Variants in ZNF114 observed in about 807,000 individuals in gnomAD.
ZNF114 encodes the protein zinc finger protein 114.
A neutral mutation model predicts 6.8 loss-of-function variants in ZNF114; 8 were observed. That is an observed-to-expected ratio of 1.18 (90% CI 0.69 to 2.13). The LOEUF is 2.13. Among genes scored for constraint, ZNF114 ranks in the 30% most tolerant of loss-of-function variants. The probability of loss-of-function intolerance (pLI) is 0.00; values close to 1 mark genes in which losing one functional copy is unlikely to be tolerated. For synonymous variants in ZNF114, 169 were observed against 185.5 expected, an observed-to-expected ratio of 0.91 and a Z score of 0.72; for missense variants, 472 against 519.5, an observed-to-expected ratio of 0.91 and a Z score of 0.89.
intron 3 of ZNF114, among the ~76,000 whole-genome samples, chr19:48,275,554 G>A (rs1455207931): frequency 1.3e-5 from 2 of 152,060 alleles, no homozygotes; most frequent in Admixed American, 6.5e-5. Flanking sequence ...AGGTTGCAGT[G>A]AGCCAAGCTA....
Position 48,275,419 on chromosome 19 carries a change from AACACACACACAC to A in ZNF114, c.-70+3619_-70+3630del, listed in dbSNP as rs58275965. 3.4e-4 allele frequency among the ~76,000 whole-genome samples: 45 copies of A among 133,116 alleles called. 1 individual carries two copies. The highest frequency in any genetic ancestry group is 1.1e-3 in the Admixed American group (15 of 13,242). The allele number at this position is 133,116 out of a possible 152,430, so 87.3% of individuals were successfully genotyped here. The stretch of plus-strand genomic sequence containing the variant: ...CATGATGAAGTCCTGTCTCTACTAA[AACACACACACAC>A]ACACACACACACACACACACACACA... On this transcript the variant is annotated intron_variant, in intron 3 of 5. Transcript: ENST00000595607.
chr19:48,280,174 G>A (rs2147290457), intron 4 of ZNF114, among the ~76,000 whole-genome samples: 1 of 152,224 alleles, frequency 6.6e-6, no homozygotes, highest in South Asian at 2.1e-4. Flanking sequence ...TTTGAGGCCA[G>A]GAGTTCAAAA....
intron 3 of ZNF114, among the ~76,000 whole-genome samples, chr19:48,276,845 T>C (rs974636804): frequency 2.0e-5 from 3 of 152,204 alleles, no homozygotes; most frequent in Admixed American, 2.0e-4. Flanking sequence ...TTTTTAAAAA[T>C]ATTCAATTGT....
At chr19:48,272,695 A>AAAAAAAAAAAAAAAAC (rs1967700439) in intron 3 of ZNF114, among the ~76,000 whole-genome samples, 1 of 143,564 alleles carries the variant, frequency 7.0e-6, no homozygotes, top group African/African-American at 2.8e-5. Context: ...AAAAAAAAAA[A>AAAAAAAAAAAAAAAAC]AAAGTATTGG....
chr19:48,279,351 T>G (rs1233500810), intron 3 of ZNF114, among the ~76,000 whole-genome samples: 2 of 146,354 alleles, frequency 1.4e-5, no homozygotes, highest in African/African-American at 5.1e-5. Context: ...TGAGCCATGA[T>G]TGCACTACTG....
rs747813766 is a variant in ZNF114 at position 48,286,002 on chromosome 19, T to G, written c.378T>G (p.His126Gln). The change falls in exon 6 of 6, where the codon CAT becomes CAG. Residue 126 changes from histidine to glutamine, a missense_variant. Physicochemically the swap from His to Gln is conservative, Grantham distance 24. Transcript: ENST00000595607. ...CTCCTGTTAGCATTTGTGAAGATCA[T>G]GAAATGAGGAACCACTCTAAACCTA... ...DESPVSICED[H>Q]EMRNHSKPTC... is the part of the protein sequence containing the mutation. 1 of 1,613,792 alleles carries G rather than the reference T, an allele frequency of 6.2e-7. No homozygotes were observed. Among genetic ancestry groups the G allele is most frequent in the Non-Finnish European group, 8.5e-7 (1 of 1,180,040 alleles).
At chr19:48,278,774 T>A (rs1008199414) in intron 3 of ZNF114, among the ~76,000 whole-genome samples, 1 of 152,098 alleles carries the variant, frequency 6.6e-6, no homozygotes, top group Non-Finnish European at 1.5e-5. Flanking sequence ...AAATCCCATC[T>A]CTACTAAAAG....
chr19:48,284,594 C>A (rs1968071393), intron 5 of ZNF114, among the ~76,000 whole-genome samples: 1 of 152,122 alleles, frequency 6.6e-6, no homozygotes, highest in African/African-American at 2.4e-5. Flanking sequence ...CCATGCCCAG[C>A]TAATTTTTCT....
chr19:48,280,404 TAAAAAG>T (rs1275942760), intron 4 of ZNF114, among the ~76,000 whole-genome samples: 11 of 151,616 alleles, frequency 7.3e-5, no homozygotes, highest in Non-Finnish European at 1.6e-4. Context: ...TAAAGTAAAA[TAAAAAG>T]AAAGTGTTTT....
chr19:48,276,670 C>G (rs1184614941), intron 3 of ZNF114, among the ~76,000 whole-genome samples: 1 of 152,178 alleles, frequency 6.6e-6, no homozygotes, highest in Non-Finnish European at 1.5e-5. Context: ...ACTAGAGGCG[C>G]ACGCCAGCGT....
chr19:48,274,530 G>C (rs1479038621), intron 3 of ZNF114, among the ~76,000 whole-genome samples: 1 of 144,388 alleles, frequency 6.9e-6, no homozygotes, highest in East Asian at 2.0e-4. Context: ...TTTTGAGACA[G>C]AGTTTTTCTC....
intron 5 of ZNF114, among the ~76,000 whole-genome samples, 191 bp downstream of exon 5, chr19:48,282,688 ATTTTATATTT>A (rs1436563985): frequency 8.2e-6 from 1 of 121,304 alleles, no homozygotes; most frequent in Non-Finnish European, 1.9e-5. Context: ...TATTTATTTT[ATTTTATATTT>A]TATTTTATTT....
Position 48,282,434 on chromosome 19 carries a change from C to T in ZNF114, c.73C>T (p.Pro25Ser). ...CAAAGAGGAGTGGACCCTGCTGGACCCAGCTCAGAGGAATCTCTACAGAGA... is the reference window on the plus strand; with the variant it reads ...CAAAGAGGAGTGGACCCTGCTGGACTCAGCTCAGAGGAATCTCTACAGAGA... ...FTKEEWTLLD[P>S]AQRNLYRDVM... The change falls in exon 5 of 6, where the codon CCA (proline) becomes TCA (serine). Residue 25 changes from proline (P) to serine (S), a missense_variant. Transcript: ENST00000595607. 2 of 1,613,404 alleles carry T rather than the reference C, an allele frequency of 1.2e-6. No homozygotes were observed. Among genetic ancestry groups the T allele is most frequent in the Middle Eastern group, 3.3e-4 (2 of 6,060 alleles).
In ZNF114 at chr19:48,277,797, GTGT is replaced by G. The variant is rs1568991622; in HGVS notation, c.-69-1933_-69-1931del. 4.4e-3 allele frequency among the ~76,000 whole-genome samples: 582 copies of G among 132,972 alleles called. 17 individuals are homozygous for G. The East Asian group carries it at 0.052, about 12-fold the overall frequency. The allele number at this position is 132,972 out of a possible 152,430, so 87.2% of individuals were successfully genotyped here. On this transcript the variant is annotated intron_variant, in intron 3 of 5. Coordinates refer to ENST00000595607, the MANE Select transcript of ZNF114 (RefSeq NM_153608.4). ...TAGACTGACCAGGGAGGCATTGGGT[GTGT>G]GTGTGTGTGTGTGTGTGTGTGTGTG...
chr19:48,285,021 C>A (rs905502131), intron 5 of ZNF114, among the ~76,000 whole-genome samples: 1 of 152,166 alleles, frequency 6.6e-6, no homozygotes, highest in African/African-American at 2.4e-5. Flanking sequence ...AATTCCTGAT[C>A]GTTTCCTTGA....
intron 4 of ZNF114, among the ~76,000 whole-genome samples, chr19:48,280,659 T>G (rs1438617087): frequency 6.6e-6 from 1 of 151,728 alleles, no homozygotes; most frequent in Non-Finnish European, 1.5e-5. Flanking sequence ...TTCAAGTGAT[T>G]CTCCTGCCTC....
chr19:48,277,147 T>A (rs1001309535), intron 3 of ZNF114, among the ~76,000 whole-genome samples: 1 of 151,586 alleles, frequency 6.6e-6, no homozygotes, highest in African/African-American at 2.4e-5. Context: ...GGCGACAGAA[T>A]GAGACCCTGT....
rs1036662551 is a variant in ZNF114 at position 48,287,582 on chromosome 19, C to T, written c.*704C>T. 5.3e-5 allele frequency: 8 copies of T among 151,872 alleles called. No homozygotes were observed. Among genetic ancestry groups the T allele is most frequent in the African/African-American group, 1.9e-4 (8 of 41,282 alleles). The allele number at this position is 151,872 out of a possible 1,614,324, so 9.4% of individuals were successfully genotyped here. A position where few individuals can be genotyped will look rare whatever the true frequency, so the allele number is the denominator to read the frequency against. On this transcript the variant is annotated 3_prime_UTR_variant, in exon 6 of 6. Coordinates refer to ENST00000595607, the MANE Select transcript of ZNF114 (RefSeq NM_153608.4). ...TCCACATCCTGAAGGGAGGCTACAACTGGAATAAAAATAAGAAAGCTTTCA... is the reference window on the plus strand; with the variant it reads ...TCCACATCCTGAAGGGAGGCTACAATTGGAATAAAAATAAGAAAGCTTTCA...
chr19:48,282,212 A>T, intron 4 of ZNF114, 159 bp from the exon 5 acceptor site: 1 of 1,009,300 alleles, frequency 9.9e-7, no homozygotes, highest in Non-Finnish European at 1.4e-6. Context: ...CCTCATCTTA[A>T]TTCATTGACA....
Sources: gnomAD v4.1 joint callset for allele counts (sites outside exome capture counted in the v4.1 genomes callset) on GRCh38, gnomAD v4.1.1 for gene constraint, MANE v1.5 for transcripts, NCBI Gene and HGNC (gene_info 2026-07-23, HGNC 2026-07-21) for gene names.